Variants in ARHGAP24 observed in about 807,000 individuals in gnomAD.
ARHGAP24 encodes Rho GTPase activating protein 24.
ARHGAP24 carries 50 observed loss-of-function variants against 76.4 expected under a neutral mutation model. That is an observed-to-expected ratio of 0.65 (90% CI 0.52 to 0.83). ARHGAP24 has a LOEUF of 0.83. Ranked by LOEUF, ARHGAP24 falls within the 40% of genes least tolerant of loss-of-function variation. ARHGAP24 has a pLI of 0.00. For synonymous variants in ARHGAP24, 345 were observed against 323.3 expected, an observed-to-expected ratio of 1.07 and a Z score of -0.72; for missense variants, 930 against 914.2, an observed-to-expected ratio of 1.02 and a Z score of -0.22.
chr4:85,900,847 A>G (rs546215582), intron 3 of ARHGAP24, among the ~76,000 whole-genome samples: 1 of 152,306 alleles, frequency 6.6e-6, no homozygotes, highest in Non-Finnish European at 1.5e-5. Flanking sequence ...AGTTCCACTC[A>G]TGTTTGAACT....
chr4:85,891,280 A>G (rs1733876615), intron 3 of ARHGAP24, among the ~76,000 whole-genome samples: 1 of 151,270 alleles, frequency 6.6e-6, no homozygotes, highest in Non-Finnish European at 1.5e-5. Context: ...GGGGTTTTCT[A>G]GATAAACAAT....
intron 1 of ARHGAP24, among the ~76,000 whole-genome samples, chr4:85,491,637 G>T (rs946668215): frequency 9.2e-5 from 14 of 152,140 alleles, no homozygotes; most frequent in Admixed American, 6.5e-4. Flanking sequence ...ACTTCCTGGG[G>T]ACTTGGAACT....
chr4:85,655,788 T>TAGAGAGAG (rs1296201189), intron 2 of ARHGAP24, among the ~76,000 whole-genome samples: 67 of 49,472 alleles, frequency 1.4e-3, no homozygotes, highest in East Asian at 4.0e-3. Context: ...TATATATATA[T>TAGAGAGAG]ATATAGAGAG....
chr4:85,962,332 G>T (rs563582400), intron 5 of ARHGAP24, among the ~76,000 whole-genome samples: 2 of 152,126 alleles, frequency 1.3e-5, no homozygotes, highest in Non-Finnish European at 2.9e-5. Context: ...ATTATCTATA[G>T]AATCTAATGA....
chr4:85,848,732 G>A (rs1247092851), intron 3 of ARHGAP24, among the ~76,000 whole-genome samples: 4 of 152,082 alleles, frequency 2.6e-5, no homozygotes, highest in East Asian at 1.9e-4. Context: ...GTTTTTGTCA[G>A]CTTTGTCAAA....
rs76890693 is a variant in ARHGAP24, at chr4:85,496,388, A to G, written c.-21+20829A>G. On this transcript the variant is annotated intron_variant, in intron 1 of 9. Coordinates refer to ENST00000395184, the MANE Select transcript of ARHGAP24 (RefSeq NM_001025616.3). ...CTTTCAGCAGAAATAGGTCTATCAC[A>G]GTTACTGTGAATATGTGCACAGGAA... is the stretch of plus-strand genomic sequence containing the variant. Among the ~76,000 whole-genome samples the G allele has an allele frequency of 2.0e-3, 301 of 152,376 alleles. 7 individuals carry two copies. The East Asian group carries it at 0.053, about 27-fold the overall frequency.
intron 5 of ARHGAP24, among the ~76,000 whole-genome samples, chr4:85,964,241 G>A (rs1738436230): frequency 6.6e-6 from 1 of 151,960 alleles, no homozygotes; most frequent in Admixed American, 6.6e-5. Flanking sequence ...AATTTAGTTT[G>A]ACTTCTAGGT....
intron 3 of ARHGAP24, among the ~76,000 whole-genome samples, chr4:85,848,919 T>G (rs1456278896): frequency 1.3e-5 from 2 of 152,202 alleles, no homozygotes; most frequent in Non-Finnish European, 2.9e-5. Context: ...AGGACTGTCT[T>G]GGAAATGCGG....
rs146130214 is a variant in ARHGAP24, at chr4:85,786,974, T to A, written c.268+65002T>A. Among the ~76,000 whole-genome samples the A allele has an allele frequency of 4.6e-3, 705 of 152,342 alleles. 4 individuals are homozygous for A. The highest frequency in any genetic ancestry group is 0.016 in the African/African-American group (672 of 41,574). On this transcript the variant is annotated intron_variant, in intron 3 of 9. Transcript: ENST00000395184. ...CACATTTTGACTTCTTACTAACCAG[T>A]CCATTCAAGCTCAGCTGGACTGTAA...
intron 4 of ARHGAP24, among the ~76,000 whole-genome samples, chr4:85,940,614 T>C (rs1206196589): frequency 6.6e-6 from 1 of 152,142 alleles, no homozygotes; most frequent in Non-Finnish European, 1.5e-5. Context: ...TGAATAATGT[T>C]TGATACACCA....
At chr4:85,789,493 G>A (rs1728018823) in intron 3 of ARHGAP24, among the ~76,000 whole-genome samples, 1 of 151,930 alleles carries the variant, frequency 6.6e-6, no homozygotes, top group Non-Finnish European at 1.5e-5. Context: ...AATTAGATAG[G>A]AACAGAGACA....
At chr4:85,542,856 T>C (rs1211272139) in intron 1 of ARHGAP24, among the ~76,000 whole-genome samples, 2 of 152,200 alleles carry the variant, frequency 1.3e-5, no homozygotes, top group Non-Finnish European at 2.9e-5. Flanking sequence ...CTTGCATGAG[T>C]TACTTAGTTG....
intron 2 of ARHGAP24, among the ~76,000 whole-genome samples, chr4:85,577,230 G>GA (rs201508427): frequency 2.7e-5 from 4 of 147,206 alleles, no homozygotes; most frequent in South Asian, 2.1e-4. Flanking sequence ...TATATCATAG[G>GA]AAAAAAAAAT....
intron 2 of ARHGAP24, among the ~76,000 whole-genome samples, chr4:85,689,256 C>A (rs1467010560): frequency 6.6e-6 from 1 of 152,052 alleles, no homozygotes; most frequent in Non-Finnish European, 1.5e-5. Flanking sequence ...TTGTAGAGAT[C>A]TTTCACCTCC....
At chr4:85,987,926 G>C (rs1305834507) in intron 8 of ARHGAP24, among the ~76,000 whole-genome samples, 1 of 151,766 alleles carries the variant, frequency 6.6e-6, no homozygotes, top group Non-Finnish European at 1.5e-5. Context: ...GCAGACTGAG[G>C]AACAAAGGAC....
intron 1 of ARHGAP24, among the ~76,000 whole-genome samples, chr4:85,567,271 T>C (rs1369459631): frequency 6.6e-6 from 1 of 152,124 alleles, no homozygotes; most frequent in African/African-American, 2.4e-5. Context: ...TGGCTAAAAA[T>C]GGAAGCAGTG....
intron 1 of ARHGAP24, among the ~76,000 whole-genome samples, chr4:85,535,871 T>A (rs1725448451): frequency 6.6e-6 from 1 of 152,204 alleles, no homozygotes. Flanking sequence ...CATTAGTCAC[T>A]GTTTTTTCAT....
chr4:85,561,275 G>A (rs1726586355), intron 1 of ARHGAP24, among the ~76,000 whole-genome samples: 1 of 152,172 alleles, frequency 6.6e-6, no homozygotes, highest in African/African-American at 2.4e-5. Flanking sequence ...AAAACCACAG[G>A]TGAAAGTCCT....
At chr4:85,674,960 A>G (rs570154856) in intron 2 of ARHGAP24, among the ~76,000 whole-genome samples, 1 of 152,318 alleles carries the variant, frequency 6.6e-6, no homozygotes, top group African/African-American at 2.4e-5. Flanking sequence ...CGTCACAAGC[A>G]TGGGGCAGCT....
Sources: gnomAD v4.1 joint callset for allele counts (sites outside exome capture counted in the v4.1 genomes callset) on GRCh38, gnomAD v4.1.1 for gene constraint, MANE v1.5 for transcripts, NCBI Gene and HGNC (gene_info 2026-07-23, HGNC 2026-07-21) for gene names.